TMEM232: variants seen among roughly 807,000 people sequenced by gnomAD.
TMEM232 encodes the protein transmembrane protein 232.
Under a neutral mutation model 78.8 loss-of-function variants are expected in TMEM232, and 80 were observed. The observed-to-expected ratio is 1.01, with a 90% CI of 0.85 to 1.22. The LOEUF (loss-of-function observed/expected upper bound fraction) is 1.22, where lower values mean the gene tolerates loss of function less well. TMEM232 is among the 50% of genes most tolerant of loss of function. The pLI is 0.00. For synonymous variants in TMEM232, 297 were observed against 254.3 expected (o/e 1.17, Z -1.60); for missense variants, 881 against 742.2 (o/e 1.19, Z -2.17).
intron 11 of TMEM232, among the ~76,000 whole-genome samples, chr5:110,563,181 T>C (rs1010049891): frequency 6.6e-6 from 1 of 151,962 alleles, no homozygotes; most frequent in Non-Finnish European, 1.5e-5. Flanking sequence ...GCACTGGTAG[T>C]GGTTATGTGT....
chr5:110,729,730 T>G (rs969506676), upstream of TMEM232, among the ~76,000 whole-genome samples: 2 of 152,224 alleles, frequency 1.3e-5, no homozygotes, highest in African/African-American at 4.8e-5. Context: ...AAGACAGTTG[T>G]GGTACCTCCT....
Position 110,653,178 on chromosome 5 carries a change from T to C in TMEM232, c.126-10807A>G, listed in dbSNP as rs190154900. On this transcript the variant is annotated intron_variant, in intron 2 of 13. Coordinates refer to ENST00000455884, the MANE Select transcript of TMEM232 (RefSeq NM_001039763.4). The stretch of plus-strand genomic sequence containing the variant: ...AGGGAAGTGAGACACTTCACAGTGA[T>C]GAAACATAAGGAGATGTTCCTTAAA... Among the ~76,000 whole-genome samples the C allele has an allele frequency of 1.8e-4, 28 of 152,340 alleles. 1 individual carries two copies. In the East Asian group the frequency reaches 5.0e-3, roughly 27 times the overall value.
chr5:110,515,773 GCTC>G (rs1768533889), intron 12 of TMEM232, among the ~76,000 whole-genome samples: 1 of 152,152 alleles, frequency 6.6e-6, no homozygotes, highest in Admixed American at 6.5e-5. Context: ...TACGGCACCA[GCTC>G]CTTTTATAAA....
At chr5:110,517,551 C>A (rs927927464) in intron 12 of TMEM232, among the ~76,000 whole-genome samples, 1 of 152,190 alleles carries the variant, frequency 6.6e-6, no homozygotes. Context: ...CTCTGTTTTA[C>A]CCAGAGATTA....
chr5:110,717,428 A>G (rs924900675), intron 1 of TMEM232, among the ~76,000 whole-genome samples: 1 of 152,112 alleles, frequency 6.6e-6, no homozygotes, highest in Non-Finnish European at 1.5e-5. Context: ...AAGGCCAACT[A>G]TCAAAGTATT....
intron 12 of TMEM232, among the ~76,000 whole-genome samples, chr5:110,425,759 T>A (rs1757161317): frequency 6.6e-6 from 1 of 152,108 alleles, no homozygotes; most frequent in Admixed American, 6.6e-5. Flanking sequence ...CTCACCTGGA[T>A]GAAGGCTTCA....
chr5:110,694,729 G>C (rs1487357378), intron 1 of TMEM232, among the ~76,000 whole-genome samples: 1 of 151,466 alleles, frequency 6.6e-6, no homozygotes, highest in Non-Finnish European at 1.5e-5. Flanking sequence ...TAATGGTAAA[G>C]GGGTCAATTC....
intron 13 of TMEM232, 114 bp downstream of exon 13, chr5:110,424,709 C>T (rs1757052624): frequency 1.2e-6 from 1 of 821,310 alleles, no homozygotes; most frequent in African/African-American, 1.7e-5. Context: ...CCAATCATGG[C>T]TCTACTTTTA....
intron 12 of TMEM232, among the ~76,000 whole-genome samples, chr5:110,509,487 C>A (rs1767447061): frequency 6.6e-6 from 1 of 151,942 alleles, no homozygotes; most frequent in Non-Finnish European, 1.5e-5. Context: ...GTAAACCTGT[C>A]AATTAATCAG....
chr5:110,415,350 G>C (rs1261932632), downstream of TMEM232, among the ~76,000 whole-genome samples: 1 of 151,872 alleles, frequency 6.6e-6, no homozygotes, highest in Admixed American at 6.6e-5. Context: ...ACCACACCTG[G>C]CTAATTTTTT....
chr5:110,722,236 A>G (rs1797719983), intron 1 of TMEM232, among the ~76,000 whole-genome samples: 1 of 152,198 alleles, frequency 6.6e-6, no homozygotes, highest in Admixed American at 6.5e-5. Flanking sequence ...TTAATTATCT[A>G]ATTTGTATAA....
At chr5:110,552,724 T>C (rs1774616114) in intron 11 of TMEM232, among the ~76,000 whole-genome samples, 1 of 152,160 alleles carries the variant, frequency 6.6e-6, no homozygotes, top group South Asian at 2.1e-4. Flanking sequence ...ATTTTAAATC[T>C]TCATACACTT....
chr5:110,440,936 C>T (rs559641473), intron 12 of TMEM232, among the ~76,000 whole-genome samples: 7 of 152,254 alleles, frequency 4.6e-5, no homozygotes, highest in South Asian at 2.1e-4. Context: ...AAGCTTGCCT[C>T]CATCTGATGA....
At chr5:110,681,899 A>C (rs1280029001) in intron 1 of TMEM232, among the ~76,000 whole-genome samples, 1 of 152,212 alleles carries the variant, frequency 6.6e-6, no homozygotes, top group African/African-American at 2.4e-5. Context: ...GAGCATGTTG[A>C]CTTGTGAATT....
chr5:110,487,315 T>C (rs1226384881), intron 12 of TMEM232, among the ~76,000 whole-genome samples: 1 of 152,122 alleles, frequency 6.6e-6, no homozygotes, highest in Non-Finnish European at 1.5e-5. Flanking sequence ...TTCTCTTGTC[T>C]GATTGCTCTG....
At chr5:110,653,304 A>G (rs968966058) in intron 2 of TMEM232, among the ~76,000 whole-genome samples, 12 of 152,224 alleles carry the variant, frequency 7.9e-5, no homozygotes, top group African/African-American at 2.7e-4. Context: ...TGGGAGCTAT[A>G]ATTTTCCATC....
Position 110,412,275 on chromosome 5 carries a change from T to C in TMEM232, n.308+12548A>G, listed in dbSNP as rs937187483. ...CCAGCCTCTGACAGCAGGAGATAAT[T>C]GGGAATTCAACCCTGAACAATCCTA... On this transcript the variant is annotated intron_variant and non_coding_transcript_variant, in intron 2 of 8. Coordinates refer to the TMEM232 transcript ENST00000507188. 2.8e-4 allele frequency among the ~76,000 whole-genome samples: 42 copies of C among 152,234 alleles called. 2 individuals carry two copies. Among genetic ancestry groups the C allele is most frequent in the Admixed American group, 2.0e-3 (31 of 15,282 alleles).
chr5:110,395,914 C>A (rs1421051555), intron 3 of TMEM232, among the ~76,000 whole-genome samples: 1 of 152,090 alleles, frequency 6.6e-6, no homozygotes, highest in Non-Finnish European at 1.5e-5. Context: ...ATGCAACTAT[C>A]TTACACTATG....
At chr5:110,727,290 G>C (rs887882367), upstream of TMEM232, among the ~76,000 whole-genome samples, 2 of 152,142 alleles carry the variant, frequency 1.3e-5, no homozygotes, top group East Asian at 1.9e-4. Context: ...ATACTATATG[G>C]AAGAATGGGG....
Sources: allele counts gnomAD v4.1 joint callset (sites outside exome capture counted in the v4.1 genomes callset), GRCh38; gene constraint gnomAD v4.1.1; transcripts MANE v1.5; gene names NCBI Gene and HGNC (gene_info 2026-07-23, HGNC 2026-07-21).